The following PHTF2 variants were observed in gnomAD, a reference collection of about 807,000 sequenced individuals.
PHTF2 encodes the protein putative homeodomain transcription factor 2, also known as protein PHTF2.
Under a neutral mutation model 101.2 loss-of-function variants are expected in PHTF2, and 60 were observed. That is an observed-to-expected ratio of 0.59 (90% confidence interval 0.48 to 0.73). The LOEUF (loss-of-function observed/expected upper bound fraction) is 0.73. Ranked by LOEUF, PHTF2 falls within the 30% of genes least tolerant of loss-of-function variation. The probability of loss-of-function intolerance (pLI) is 0.00; values close to 1 mark genes in which losing one functional copy is unlikely to be tolerated. For synonymous variants in PHTF2, 311 were observed against 307.3 expected (o/e 1.01, Z -0.13); for missense variants, 747 against 908.7 (o/e 0.82, Z 2.29).
intron 3 of PHTF2, among the ~76,000 whole-genome samples, chr7:77,882,291 A>G (rs533643158): frequency 6.6e-6 from 1 of 152,272 alleles, no homozygotes; most frequent in South Asian, 2.1e-4. Context: ...AATTGACCGA[A>G]TTCTAGAAAT....
At position 77,881,117 on chromosome 7, in the gene PHTF2, C is replaced by T. The variant is rs1274169762; in HGVS notation, c.148-12491C>T. On this transcript the variant is annotated intron_variant, in intron 3 of 19. Coordinates refer to ENST00000416283, the Ensembl canonical transcript of PHTF2. Reference sequence around the variant, plus strand: ...TCCAAATCTCATCTAATGACTGCCTCCTGTTTAAACGAGATTAAGGTCATT... The same window carrying T: ...TCCAAATCTCATCTAATGACTGCCTTCTGTTTAAACGAGATTAAGGTCATT... Among the ~76,000 whole-genome samples, 48 of 152,166 alleles carry T rather than the reference C, an allele frequency of 3.2e-4. 1 individual carries two copies. Among genetic ancestry groups the T allele is most frequent in the Admixed American group, 3.1e-3 (48 of 15,270 alleles).
At chr7:77,834,185 A>C (rs1161884436) in intron 1 of PHTF2, among the ~76,000 whole-genome samples, 1 of 151,928 alleles carries the variant, frequency 6.6e-6, no homozygotes, top group Non-Finnish European at 1.5e-5. Flanking sequence ...ATCATGGTAC[A>C]TGCCTATAGT....
In PHTF2 at chr7:77,946,075, A is replaced by C. The variant is rs541559186; in HGVS notation, c.1959+3289A>C. ...TACAAAATTCCTCAACAAAATACTA[A>C]GAAGATGAAGCCAGAAAGTGAATTA... On this transcript the variant is annotated intron_variant, in intron 16 of 19. Coordinates refer to ENST00000416283, the Ensembl canonical transcript of PHTF2. Among the ~76,000 whole-genome samples the C allele has an allele frequency of 1.2e-3, 184 of 152,340 alleles. 1 individual carries two copies. Among genetic ancestry groups the C allele is most frequent in the African/African-American group, 4.3e-3 (179 of 41,584 alleles).
chr7:77,900,647 G>A (rs776393438), intron 5 of PHTF2, 64 bp from the exon 5 acceptor site: 34 of 823,332 alleles, frequency 4.1e-5, no homozygotes, highest in Admixed American at 1.2e-4. Context: ...TTTAGAAATT[G>A]ATTTTCTCCT....
At chr7:77,917,229 G>A (rs1803011621) in intron 9 of PHTF2, among the ~76,000 whole-genome samples, 1 of 152,122 alleles carries the variant, frequency 6.6e-6, no homozygotes, top group African/African-American at 2.4e-5. Context: ...CGACATATCT[G>A]TATCAGTCTT....
At chr7:77,828,203 A>C (rs947792277) in intron 1 of PHTF2, among the ~76,000 whole-genome samples, 4 of 152,198 alleles carry the variant, frequency 2.6e-5, no homozygotes, top group African/African-American at 9.6e-5. Context: ...TAAATGAGGA[A>C]GTTAAACCAT....
intron 3 of PHTF2, among the ~76,000 whole-genome samples, chr7:77,856,751 ATTAGGTAT>A (rs1562880636): frequency 6.6e-6 from 1 of 152,100 alleles, no homozygotes. Context: ...GTTATAATGT[ATTAGGTAT>A]TATAAATAAT....
chr7:77,939,685 G>T (rs1447045985), intron 13 of PHTF2, among the ~76,000 whole-genome samples: 1 of 151,242 alleles, frequency 6.6e-6, no homozygotes, highest in Admixed American at 6.6e-5. Flanking sequence ...TTTCTTCAAT[G>T]AACTGAATTT....
At chr7:77,920,075 A>C (rs1231888662) in intron 9 of PHTF2, among the ~76,000 whole-genome samples, 1 of 152,210 alleles carries the variant, frequency 6.6e-6, no homozygotes, top group Non-Finnish European at 1.5e-5. Flanking sequence ...TAAGACCTCA[A>C]AACCTTTAAG....
chr7:77,923,884 G>A (rs755042222), intron 11 of PHTF2: 12 of 975,270 alleles, frequency 1.2e-5, no homozygotes, highest in East Asian at 2.3e-4. Context: ...TTCTTGAAGC[G>A]CAGAACATTA....
intron 3 of PHTF2, among the ~76,000 whole-genome samples, chr7:77,862,708 A>G (rs1007947405): frequency 8.5e-5 from 13 of 152,260 alleles, no homozygotes; most frequent in African/African-American, 3.1e-4. Flanking sequence ...GAATAGGTTT[A>G]AAACAGAGAT....
chr7:77,947,580 G>A (rs1052403904), intron 16 of PHTF2, among the ~76,000 whole-genome samples: 1 of 151,998 alleles, frequency 6.6e-6, no homozygotes, highest in Non-Finnish European at 1.5e-5. Context: ...ATTAAAAAAA[G>A]AAGGTATACA....
intron 3 of PHTF2, among the ~76,000 whole-genome samples, chr7:77,890,752 C>A (rs1426675803): frequency 6.6e-6 from 1 of 151,506 alleles, no homozygotes; most frequent in Non-Finnish European, 1.5e-5. Context: ...ACTACAGATG[C>A]CCGCCACCAC....
intron 3 of PHTF2, among the ~76,000 whole-genome samples, chr7:77,883,250 C>G (rs1178546163): frequency 6.6e-6 from 1 of 152,020 alleles, no homozygotes; most frequent in Non-Finnish European, 1.5e-5. Flanking sequence ...TTAGTTTCCA[C>G]TATTTCTGGA....
intron 1 of PHTF2, among the ~76,000 whole-genome samples, chr7:77,835,328 G>A (rs890753422): frequency 2.6e-5 from 4 of 151,822 alleles, no homozygotes; most frequent in African/African-American, 9.7e-5. Flanking sequence ...GAGGAAGTAG[G>A]ATTTGAGCTG....
At chr7:77,808,376 A>G (rs1009990094) in intron 1 of PHTF2, among the ~76,000 whole-genome samples, 2 of 152,222 alleles carry the variant, frequency 1.3e-5, no homozygotes, top group South Asian at 2.1e-4. Flanking sequence ...AGATGTTTCA[A>G]TGTGCTTGTT....
chr7:77,814,433 G>A (rs555145046), intron 1 of PHTF2, among the ~76,000 whole-genome samples: 1 of 151,890 alleles, frequency 6.6e-6, no homozygotes, highest in East Asian at 1.9e-4. Context: ...ACCTAACACA[G>A]TATTTTCTCT....
At chr7:77,880,103 C>T (rs1010328255) in intron 3 of PHTF2, among the ~76,000 whole-genome samples, 1 of 152,140 alleles carries the variant, frequency 6.6e-6, no homozygotes, top group Admixed American at 6.5e-5. Flanking sequence ...ATATTAGCAT[C>T]GTATTTTTTA....
intron 3 of PHTF2, among the ~76,000 whole-genome samples, chr7:77,885,610 A>G (rs1799771144): frequency 6.6e-6 from 1 of 151,890 alleles, no homozygotes; most frequent in South Asian, 2.1e-4. Context: ...ACACCCAGCT[A>G]TTTTTTGTAT....
Sources: allele counts gnomAD v4.1 joint callset (sites outside exome capture counted in the v4.1 genomes callset), GRCh38; gene constraint gnomAD v4.1.1; transcripts MANE v1.5; gene names NCBI Gene and HGNC (gene_info 2026-07-23, HGNC 2026-07-21).